The following C1orf159 variants were observed in gnomAD, a reference collection of about 807,000 sequenced individuals.
C1orf159 encodes chromosome 1 open reading frame 159, also known as uncharacterized protein C1orf159.
C1orf159 carries 19 observed loss-of-function variants against 25.6 expected under a neutral mutation model. The ratio of observed to expected loss-of-function variants is 0.74; its 90% CI spans 0.52 to 1.09. The LOEUF is 1.09. C1orf159 is among the 50% of genes least tolerant of loss of function. The pLI, the probability that C1orf159 is intolerant of heterozygous loss-of-function variation, is 0.00. For synonymous variants in C1orf159, 139 were observed against 124.7 expected, an observed-to-expected ratio of 1.12 and a Z score of -0.77; for missense variants, 274 against 290.6, an observed-to-expected ratio of 0.94 and a Z score of 0.42.
intron 8 of C1orf159, 29 bp downstream of exon 8, chr1:1,084,452 G>A (rs373324141): frequency 7.6e-6 from 12 of 1,570,792 alleles, no homozygotes; most frequent in Middle Eastern, 1.7e-4. Context: ...GGCCAGGGAC[G>A]CTCAGCCCGG....
At chr1:1,111,967 A>G (rs1646262477) in intron 1 of C1orf159, among the ~76,000 whole-genome samples, 1 of 152,190 alleles carries the variant, frequency 6.6e-6, no homozygotes, top group Non-Finnish European at 1.5e-5. Context: ...TAAAGGAGAC[A>G]TCCCCCTTTG....
intron 1 of C1orf159, among the ~76,000 whole-genome samples, chr1:1,095,589 T>C (rs895675142): frequency 3.0e-4 from 46 of 152,250 alleles, no homozygotes; most frequent in African/African-American, 1.0e-3. Context: ...ACCCTCTGCA[T>C]AAATAATCAT....
chr1:1,092,094 C>T lies in C1orf159; in HGVS notation c.-126G>A, dbSNP rs1401046145. 2.0e-4 allele frequency: 84 copies of T among 428,926 alleles called. 1 individual carries two copies. Among genetic ancestry groups the T allele is most frequent in the South Asian group, 1.2e-3 (74 of 61,064 alleles). 26.6% of individuals were successfully genotyped at this position (428,926 alleles called of 1,614,324 possible). A position where few individuals can be genotyped will look rare whatever the true frequency, so the allele number is the denominator to read the frequency against. Reference sequence around the variant, plus strand: ...GGGCTCAGCTGAGCCCTGCAGACCCCGGCCCAGTCCTGCAGATGAAGACAG... The same window carrying T: ...GGGCTCAGCTGAGCCCTGCAGACCCTGGCCCAGTCCTGCAGATGAAGACAG... On this transcript the variant is annotated 5_prime_UTR_variant, in exon 2 of 10. Coordinates refer to ENST00000421241, the MANE Select transcript of C1orf159 (RefSeq NM_017891.5).
At chr1:1,099,858 G>GGA (rs1300496657) in intron 1 of C1orf159, among the ~76,000 whole-genome samples, 1 of 150,264 alleles carries the variant, frequency 6.7e-6, no homozygotes, top group African/African-American at 2.5e-5. Context: ...TCTAAGAATT[G>GGA]GAGAGAGAGA....
At position 1,087,966 on chromosome 1, in the gene C1orf159, C is replaced by T. The variant is rs1329085236; in HGVS notation, c.149-369G>A. Among the ~76,000 whole-genome samples, 4 of 151,398 alleles carry T rather than the reference C, an allele frequency of 2.6e-5. No individual in the cohort carries two copies. The highest frequency in any genetic ancestry group is 6.6e-5 in the Admixed American group (1 of 15,214). Reference sequence around the variant, plus strand: ...CCGAGCACCCCGGCCCTGAGCACCCCGACCCTGAGTACTCCACACTGCGTA... The same window carrying T: ...CCGAGCACCCCGGCCCTGAGCACCCTGACCCTGAGTACTCCACACTGCGTA... On this transcript the variant is annotated intron_variant, in intron 4 of 9. Coordinates refer to ENST00000421241, the MANE Select transcript of C1orf159 (RefSeq NM_017891.5). This position sits in a 1 kb window ranked among gnomAD's most constrained non-coding sequence, Gnocchi z 8.3.
intron 1 of C1orf159, among the ~76,000 whole-genome samples, chr1:1,098,771 C>A (rs1646046465): frequency 6.6e-6 from 1 of 152,148 alleles, no homozygotes; most frequent in African/African-American, 2.4e-5. Context: ...GCCACCACGT[C>A]CAGCGAATTT....
chr1:1,084,089 C>T (rs761995280), intron 9 of C1orf159: 32 of 1,599,894 alleles, frequency 2.0e-5, no homozygotes, highest in East Asian at 6.7e-5. Context: ...CCCCACGTCT[C>T]GGGAACAGGA....
chr1:1,092,566 C>A (rs1400794913), intron 1 of C1orf159: 1 of 152,976 alleles, frequency 6.5e-6, no homozygotes, highest in Non-Finnish European at 1.5e-5. Context: ...GGCAAGTTAC[C>A]CCGAGGGGGG....
chr1:1,083,444 G>A (rs1557743819), intron 9 of C1orf159: 1 of 200,662 alleles, frequency 5.0e-6, no homozygotes, highest in African/African-American at 2.4e-5. Context: ...GGGCCCACCT[G>A]AGAGAGAGGC....
chr1:1,086,993 T>A, intron 6 of C1orf159, 146 bp downstream of exon 6: 1 of 772,670 alleles, frequency 1.3e-6, no homozygotes, highest in African/African-American at 1.7e-5. Context: ...GACCCCAAGC[T>A]GCAGGGGCTG....
In C1orf159 at chr1:1,090,404, C is replaced by G; in HGVS notation, c.97G>C (p.Asp33His). The stretch of plus-strand genomic sequence containing the variant: ...CAGCTGGCGTTGACGCCCACCACAT[C>G]CACACAGCACTCGGGCAGCTGGGCC... ...NTAQLPECCV[D>H]VVGVNASCPG... The change falls in exon 4 of 10, where the codon GAT (aspartate) becomes CAT (histidine). Residue 33 changes from aspartate (D) to histidine (H), a missense_variant. By Grantham distance (81) the Asp-to-His change is moderately conservative. Coordinates refer to ENST00000421241, the MANE Select transcript of C1orf159 (RefSeq NM_017891.5). The G allele has an allele frequency of 6.4e-7, 1 of 1,550,534 alleles. No homozygotes were observed. The highest frequency in any genetic ancestry group is 8.7e-7 in the Non-Finnish European group (1 of 1,146,956).
At chr1:1,097,789 G>C (rs1420426016) in intron 1 of C1orf159, among the ~76,000 whole-genome samples, 1 of 151,722 alleles carries the variant, frequency 6.6e-6, no homozygotes, top group Non-Finnish European at 1.5e-5. Flanking sequence ...CAATCTTTTA[G>C]GGAAAAAATC....
At chr1:1,114,752 G>A (rs1646310714) in intron 1 of C1orf159, among the ~76,000 whole-genome samples, 1 of 152,086 alleles carries the variant, frequency 6.6e-6, no homozygotes, top group African/African-American at 2.4e-5. Flanking sequence ...CATCCCAGGC[G>A]GCCGCCCCTA....
intron 1 of C1orf159, among the ~76,000 whole-genome samples, chr1:1,104,738 T>C (rs963283868): frequency 1.3e-5 from 2 of 151,600 alleles, no homozygotes; most frequent in African/African-American, 4.9e-5. Flanking sequence ...GAAGCCGAAG[T>C]GCAGACGCAT....
intron 1 of C1orf159, among the ~76,000 whole-genome samples, chr1:1,100,536 C>CTCTTGGTGCTGCACGT (rs1220603777): frequency 6.6e-6 from 1 of 152,180 alleles, no homozygotes; most frequent in African/African-American, 2.4e-5. Flanking sequence ...CGAGGGCGCA[C>CTCTTGGTGCTGCACGT]TCTTGGTGCT....
At chr1:1,106,263 A>T (rs187980920) in intron 1 of C1orf159, 2 of 152,380 alleles carry the variant, frequency 1.3e-5, no homozygotes, top group Non-Finnish European at 2.9e-5. Context: ...TACTTCAATT[A>T]AAAACTATCG....
intron 1 of C1orf159, among the ~76,000 whole-genome samples, chr1:1,107,324 A>G (rs568598379): frequency 3.0e-4 from 46 of 152,368 alleles, no homozygotes; most frequent in African/African-American, 1.1e-3. Flanking sequence ...GGATGCACCA[A>G]TCAGCACTCT....
At position 1,115,860 on chromosome 1, in the gene C1orf159, G is replaced by A. The variant is rs572710276; in HGVS notation, c.-136+200C>T. Among the ~76,000 whole-genome samples the A allele has an allele frequency of 2.2e-4, 33 of 149,724 alleles. 1 individual carries two copies. The South Asian group carries it at 6.9e-3, about 31-fold the overall frequency. On this transcript the variant is annotated intron_variant, in intron 1 of 9. Transcript: ENST00000421241. ...CCGCGGCCAGGCTCGTTGGGAGGCG[G>A]CGACGAGGACGCGGGCCCAGGCGCT...
At chr1:1,097,235 C>G (rs1646019871) in intron 1 of C1orf159, among the ~76,000 whole-genome samples, 1 of 151,852 alleles carries the variant, frequency 6.6e-6, no homozygotes, top group East Asian at 1.9e-4. Flanking sequence ...GCCTCCTGAG[C>G]AGCTGGGATT....
Sources: gnomAD v4.1 joint callset for allele counts (sites outside exome capture counted in the v4.1 genomes callset) on GRCh38, gnomAD v4.1.1 for gene constraint, Gnocchi (gnomAD v3.1) non-coding constraint, MANE v1.5 for transcripts, NCBI Gene and HGNC (gene_info 2026-07-23, HGNC 2026-07-21) for gene names.